CCNB3: variants seen among roughly 807,000 people sequenced by gnomAD.
CCNB3 encodes G2/mitotic-specific cyclin-B3.
CCNB3 carries 12 observed loss-of-function variants against 68.0 expected under a neutral mutation model. That is an observed-to-expected ratio of 0.18 (90% CI 0.11 to 0.29). CCNB3 has a LOEUF of 0.29. Among genes scored for constraint, CCNB3 ranks in the 10% least tolerant of loss-of-function variants. The pLI is 1.00. For missense variants in CCNB3, 904 were observed against 993.1 expected (o/e 0.91, Z 1.21); for synonymous variants, 354 against 388.9 (o/e 0.91, Z 1.06).
chrX:50,207,724 C>A (rs73211773), intron 1 of CCNB3, among the ~76,000 whole-genome samples: 23 of 111,998 alleles, frequency 2.1e-4, no homozygotes, highest in Non-Finnish European at 3.8e-4. Flanking sequence ...ATTAGCTACT[C>A]TGTTATTTTT....
At chrX:50,303,025 G>A (rs1936684647) in intron 5 of CCNB3, among the ~76,000 whole-genome samples, 2 of 111,305 alleles carry the variant, frequency 1.8e-5, no homozygotes, top group Admixed American at 1.9e-4. Flanking sequence ...TCCATGTATT[G>A]AGGAACTGCC....
rs1557214272 is a variant in CCNB3 at position 50,309,637 on chromosome X, A to G, written c.1468A>G (p.Ile490Val). The G allele has an allele frequency of 3.3e-6, 4 of 1,211,638 alleles. No individual in the cohort carries two copies. Among genetic ancestry groups the G allele is most frequent in the Non-Finnish European group, 4.5e-6 (4 of 895,489 alleles). The change falls in exon 6 of 13, where the codon ATT becomes GTT. Residue 490 changes from isoleucine to valine, a missense_variant. Transcript: ENST00000376042. The stretch of plus-strand genomic sequence containing the variant: ...GGCACCCCCCACCAAGAAGCCTTTA[A>G]TTTTAAAGAGGAAGCATGCCACTCA... ...EEAPPTKKPL[I>V]LKRKHATQGT... is the part of the protein sequence containing the mutation.
intron 1 of CCNB3, among the ~76,000 whole-genome samples, chrX:50,280,567 G>A (rs1470970485): frequency 1.8e-5 from 2 of 109,171 alleles, no homozygotes; most frequent in Non-Finnish European, 3.8e-5. Flanking sequence ...TGCACTTTGG[G>A]TCCTCATTCA....
intron 8 of CCNB3, among the ~76,000 whole-genome samples, chrX:50,321,296 G>C (rs1557216538): frequency 8.9e-6 from 1 of 111,941 alleles, no homozygotes; most frequent in Non-Finnish European, 1.9e-5. Context: ...TTAGTTAGCT[G>C]TACAGAAGCA....
intron 1 of CCNB3, among the ~76,000 whole-genome samples, chrX:50,211,801 A>T (rs1935487232): frequency 8.9e-6 from 1 of 112,260 alleles, no homozygotes; most frequent in Non-Finnish European, 1.9e-5. Context: ...GCATTCATCC[A>T]ATTAAAAGGG....
At chrX:50,226,199 A>T (rs1267826911) in intron 1 of CCNB3, among the ~76,000 whole-genome samples, 1 of 66,903 alleles carries the variant, frequency 1.5e-5, no homozygotes, top group Non-Finnish European at 2.4e-5. Context: ...AAATATATAT[A>T]GAATATATAT....
intron 1 of CCNB3, among the ~76,000 whole-genome samples, chrX:50,226,633 TATAA>T (rs1282639685): frequency 2.6e-5 from 2 of 77,758 alleles, no homozygotes; most frequent in Non-Finnish European, 4.6e-5. Flanking sequence ...AGAATATATC[TATAA>T]ATATATATAT....
intron 5 of CCNB3, among the ~76,000 whole-genome samples, chrX:50,301,681 G>A (rs1011829895): frequency 8.9e-6 from 1 of 112,564 alleles, no homozygotes; most frequent in African/African-American, 3.2e-5. Flanking sequence ...GGACATTTAA[G>A]TCTGCAGAGG....
At chrX:50,312,727 G>C (rs1921533406) in intron 7 of CCNB3, 95 bp downstream of exon 7, 1 of 548,626 alleles carries the variant, frequency 1.8e-6, no homozygotes, top group Non-Finnish European at 3.0e-6. Context: ...TGGTAATAAT[G>C]ATGATAAAAA....
At chrX:50,350,751 A>T (rs1276890078) in intron 11 of CCNB3, among the ~76,000 whole-genome samples, 2 of 108,370 alleles carry the variant, frequency 1.8e-5, no homozygotes, top group Non-Finnish European at 3.8e-5. Context: ...GCTGGAGTGC[A>T]GTGGTGCGAT....
At chrX:50,311,572 T>A in intron 6 of CCNB3, 76 bp downstream of exon 6, 1 of 723,675 alleles carries the variant, frequency 1.4e-6, no homozygotes, top group Admixed American at 4.1e-5. Context: ...GCAAAGTTGT[T>A]TTTTTTTTTT....
intron 8 of CCNB3, among the ~76,000 whole-genome samples, chrX:50,337,837 C>A (rs1557219051): frequency 9.0e-6 from 1 of 111,639 alleles, no homozygotes; most frequent in Non-Finnish European, 1.9e-5. Flanking sequence ...ATCAGAGTAT[C>A]AAGAAATCCC....
In CCNB3 at chrX:50,308,906, A is replaced by C; in HGVS notation, c.737A>C (p.Glu246Ala). 1 of 1,211,757 alleles carries C rather than the reference A, an allele frequency of 8.3e-7. No individual in the cohort carries two copies. The highest frequency in any genetic ancestry group is 1.1e-6 in the Non-Finnish European group (1 of 895,482). Residue 246 changes from glutamate (E) to alanine (A), a missense_variant, in exon 6 of 13, where the codon GAA (glutamate) becomes GCA (alanine). Coordinates refer to ENST00000376042, the MANE Select transcript of CCNB3 (RefSeq NM_033031.3). ...CASQRKQSCQ[E>A]ESLAVQDVNM... ...AGTCAGCGGAAGCAGTCCTGCCAGG[A>C]AGAGTCGTTGGCTGTGCAGGATGTC...
At chrX:50,215,527 T>C (rs1935558482) in intron 1 of CCNB3, among the ~76,000 whole-genome samples, 1 of 110,556 alleles carries the variant, frequency 9.0e-6, no homozygotes, top group African/African-American at 3.3e-5. Flanking sequence ...CTGTTGTTGT[T>C]GAATTCCTCT....
Position 50,350,113 on chromosome X carries a change from C to T in CCNB3, c.3961-1128C>T, listed in dbSNP as rs1367931701. 3.6e-5 allele frequency among the ~76,000 whole-genome samples: 4 copies of T among 111,114 alleles called. No individual in the cohort carries two copies. The East Asian group carries it at 1.1e-3, about 32-fold the overall frequency. On this transcript the variant is annotated intron_variant, in intron 11 of 12. Transcript: ENST00000376042. ...TGTCTCCTCTACTAGACTACAGACT[C>T]CTCAAGGGCAGGTCCCTCATTCATT...
chrX:50,312,008 G>A (rs782452856), intron 6 of CCNB3, among the ~76,000 whole-genome samples: 14 of 110,366 alleles, frequency 1.3e-4, no homozygotes, highest in Non-Finnish European at 2.6e-4. Flanking sequence ...ATCACGGTGG[G>A]CTTTGGTAAA....
intron 5 of CCNB3, among the ~76,000 whole-genome samples, chrX:50,295,295 A>G (rs1936432618): frequency 9.0e-6 from 1 of 111,573 alleles, no homozygotes; most frequent in Non-Finnish European, 1.9e-5. Flanking sequence ...TCTGTGCTTT[A>G]TAGTGTGGAG....
chrX:50,284,990 T>C, intron 2 of CCNB3, 137 bp from the exon 3 acceptor site: 1 of 433,016 alleles, frequency 2.3e-6, no homozygotes, highest in Non-Finnish European at 4.0e-6. Context: ...AAACCAAGAT[T>C]TGAATCCAGA....
At chrX:50,291,782 CT>C (rs782490815) in intron 4 of CCNB3, among the ~76,000 whole-genome samples, 1 of 111,528 alleles carries the variant, frequency 9.0e-6, no homozygotes, top group East Asian at 2.8e-4. Flanking sequence ...GTTTGCAAAA[CT>C]TTAGGTGAAG....
Sources: allele counts gnomAD v4.1 joint callset (sites outside exome capture counted in the v4.1 genomes callset), GRCh38; gene constraint gnomAD v4.1.1; transcripts MANE v1.5; gene names NCBI Gene and HGNC (gene_info 2026-07-23, HGNC 2026-07-21).